The following FRMD4A variants were observed in gnomAD, a reference collection of about 807,000 sequenced individuals.
FRMD4A encodes the protein FERM domain-containing protein 4A.
Under a neutral mutation model 129.1 loss-of-function variants are expected in FRMD4A, and 29 were observed. The ratio of observed to expected loss-of-function variants is 0.22; its 90% CI spans 0.17 to 0.31. The LOEUF (loss-of-function observed/expected upper bound fraction) is 0.31, where lower values mean the gene tolerates loss of function less well. Among genes scored for constraint, FRMD4A ranks in the 10% least tolerant of loss-of-function variants. The pLI, the probability that FRMD4A is intolerant of heterozygous loss-of-function variation, is 1.00. For missense variants in FRMD4A, 1,272 were observed against 1,375.8 expected, an observed-to-expected ratio of 0.92 and a Z score of 1.19; for synonymous variants, 634 against 571.6, an observed-to-expected ratio of 1.11 and a Z score of -1.56.
At chr10:13,972,277 C>T in intron 2 of FRMD4A, 3 of 989,570 alleles carry the variant, frequency 3.0e-6, no homozygotes. Context: ...CCAGACATTC[C>T]ATCCCTTTTC....
intron 2 of FRMD4A, among the ~76,000 whole-genome samples, chr10:13,982,978 T>C (rs572686952): frequency 6.6e-6 from 1 of 152,234 alleles, no homozygotes; most frequent in South Asian, 2.1e-4. Flanking sequence ...TTCTTTTTTC[T>C]TTTTTTGAGA....
chr10:13,829,080 T>C (rs1422810133), intron 3 of FRMD4A, among the ~76,000 whole-genome samples: 1 of 152,196 alleles, frequency 6.6e-6, no homozygotes, highest in Non-Finnish European at 1.5e-5. Context: ...CTACCAACAG[T>C]GTATAAGCAT....
intron 22 of FRMD4A, 123 bp from the exon 23 acceptor site, chr10:13,654,635 G>A (rs2081983004): frequency 3.1e-6 from 2 of 651,298 alleles, no homozygotes; most frequent in Admixed American, 2.7e-5. Context: ...AGGGATGCTG[G>A]GAAGGACCCC....
intron 3 of FRMD4A, among the ~76,000 whole-genome samples, chr10:13,814,988 G>A (rs2093518372): frequency 6.6e-6 from 1 of 152,074 alleles, no homozygotes; most frequent in Non-Finnish European, 1.5e-5. Context: ...CAGAAATGGA[G>A]GCTTGGGGTT....
intron 2 of FRMD4A, among the ~76,000 whole-genome samples, chr10:14,313,016 T>C (rs1379807227): frequency 2.0e-5 from 3 of 152,178 alleles, no homozygotes; most frequent in African/African-American, 4.8e-5. Context: ...TTTTAATGTA[T>C]AACCCTTTGT....
At chr10:13,674,262 A>G (rs1477934180) in intron 16 of FRMD4A, among the ~76,000 whole-genome samples, 1 of 152,206 alleles carries the variant, frequency 6.6e-6, no homozygotes, top group Non-Finnish European at 1.5e-5. Flanking sequence ...AAGCCACCAC[A>G]ACAATAAACT....
At chr10:14,084,137 G>A (rs895321536) in intron 2 of FRMD4A, among the ~76,000 whole-genome samples, 2 of 152,164 alleles carry the variant, frequency 1.3e-5, no homozygotes, top group African/African-American at 4.8e-5. Flanking sequence ...AAAGGCCCAT[G>A]CACAGAGGGC....
At chr10:14,170,821 T>TA in intron 2 of FRMD4A, among the ~76,000 whole-genome samples, 1 of 28,402 alleles carries the variant, frequency 3.5e-5, no homozygotes, top group East Asian at 0.1. Flanking sequence ...TGGCCTCTTC[T>TA]CCCCGTCCTC....
intron 3 of FRMD4A, among the ~76,000 whole-genome samples, chr10:13,832,445 G>C (rs150843590): frequency 6.6e-6 from 1 of 152,186 alleles, no homozygotes; most frequent in African/African-American, 2.4e-5. Flanking sequence ...TCAGCCTTGC[G>C]AGCACATTAG....
intron 2 of FRMD4A, among the ~76,000 whole-genome samples, chr10:13,867,321 T>C (rs2094380097): frequency 6.6e-6 from 1 of 152,028 alleles, no homozygotes; most frequent in Admixed American, 6.6e-5. Flanking sequence ...TTCAGTGGCA[T>C]GATCACAGCT....
intron 2 of FRMD4A, among the ~76,000 whole-genome samples, chr10:13,903,221 C>A (rs113182498): frequency 1.2e-4 from 19 of 152,262 alleles, no homozygotes; most frequent in African/African-American, 4.6e-4. Context: ...GCAACTCCTC[C>A]CACCTGCCCA....
At chr10:14,046,212 C>A (rs986278359) in intron 2 of FRMD4A, among the ~76,000 whole-genome samples, 1 of 152,050 alleles carries the variant, frequency 6.6e-6, no homozygotes, top group African/African-American at 2.4e-5. Flanking sequence ...ACTCACTTTC[C>A]TCAACATTTG....
At chr10:13,917,621 G>C (rs975496952) in intron 2 of FRMD4A, among the ~76,000 whole-genome samples, 2 of 152,040 alleles carry the variant, frequency 1.3e-5, no homozygotes, top group Non-Finnish European at 2.9e-5. Flanking sequence ...TACACACACT[G>C]TACTTTCATT....
chr10:13,946,964 TG>T (rs1207730171), intron 2 of FRMD4A, among the ~76,000 whole-genome samples: 1 of 152,084 alleles, frequency 6.6e-6, no homozygotes. Flanking sequence ...AGCGCTCATA[TG>T]GGGAAGCTTG....
chr10:13,919,568 T>A (rs2095047630), intron 2 of FRMD4A, among the ~76,000 whole-genome samples: 1 of 152,134 alleles, frequency 6.6e-6, no homozygotes. Flanking sequence ...TGTATAGGAT[T>A]AAATTAATTT....
intron 2 of FRMD4A, among the ~76,000 whole-genome samples, chr10:14,072,734 C>A (rs1353862910): frequency 1.3e-5 from 2 of 152,142 alleles, no homozygotes; most frequent in Admixed American, 6.6e-5. Flanking sequence ...TTTTTGTCTG[C>A]AATCATTTCC....
chr10:14,205,492 C>G (rs1195254830), intron 2 of FRMD4A, among the ~76,000 whole-genome samples: 2 of 152,068 alleles, frequency 1.3e-5, no homozygotes, highest in Non-Finnish European at 2.9e-5. Context: ...AACCAGGATT[C>G]CCTGGGGTGA....
intron 2 of FRMD4A, among the ~76,000 whole-genome samples, chr10:14,187,303 T>C (rs1311701813): frequency 6.6e-6 from 1 of 152,224 alleles, no homozygotes; most frequent in Non-Finnish European, 1.5e-5. Flanking sequence ...TCAAATTGTG[T>C]ATCAACTAGT....
In FRMD4A at chr10:13,656,655, C is replaced by T; in HGVS notation, c.2934G>A (p.Gln978=). 6.7e-7 allele frequency: 1 copy of T among 1,491,272 alleles called. No homozygotes were observed. The highest frequency in any genetic ancestry group is 1.3e-5 in the South Asian group (1 of 74,190). The allele number at this position is 1,491,272 out of a possible 1,614,324, so 92.4% of individuals were successfully genotyped here. A position where few individuals can be genotyped will look rare whatever the true frequency, so the allele number is the denominator to read the frequency against. The stretch of plus-strand genomic sequence containing the variant: ...TCTCACCTGACGTGGCCTTGCACAT[C>T]TGGGGCATCCTGGTGACCCTGCTGT... ...VAHSRVTRMP[Q]MCKATSAALP... Residue 978 remains glutamine, a synonymous_variant, in exon 22 of 25, where the codon CAG becomes CAA. Coordinates refer to ENST00000357447, the MANE Select transcript of FRMD4A (RefSeq NM_018027.5).
Sources: allele counts gnomAD v4.1 joint callset (sites outside exome capture counted in the v4.1 genomes callset), GRCh38; gene constraint gnomAD v4.1.1; transcripts MANE v1.5; gene names NCBI Gene and HGNC (gene_info 2026-07-23, HGNC 2026-07-21).